Variants in GJA8 observed in about 807,000 individuals in gnomAD.
GJA8 encodes the protein gap junction alpha-8 protein.
In GJA8, 13 loss-of-function variants were observed where a neutral mutation model predicts 15.3. That is an observed-to-expected ratio of 0.85 (90% CI 0.55 to 1.35). The LOEUF (loss-of-function observed/expected upper bound fraction) is 1.35. Among genes scored for constraint, GJA8 ranks in the 40% most tolerant of loss-of-function variants. GJA8 has a pLI of 0.00. For missense variants in GJA8, 607 were observed against 553.3 expected (o/e 1.10, Z -0.97); for synonymous variants, 304 against 238.7 (o/e 1.27, Z -2.52).
At chr1:147,914,281 T>G in the GJA8 span, among the ~76,000 whole-genome samples, 1 of 152,166 alleles carries the variant, frequency 6.6e-6, no homozygotes, top group South Asian at 2.1e-4. Flanking sequence ...TTTTCTGCAA[T>G]TTTTTCATCT....
At chr1:147,913,120 A>G (rs1652245167), downstream of GJA8, among the ~76,000 whole-genome samples, 1 of 152,134 alleles carries the variant, frequency 6.6e-6, no homozygotes, top group Non-Finnish European at 1.5e-5. Flanking sequence ...TACCTGCTCT[A>G]TGAGACAATT....
In GJA8 at chr1:147,907,986, T is replaced by C. The variant is rs782235167; in HGVS notation, c.31T>C (p.Leu11=). 2.5e-6 allele frequency: 4 copies of C among 1,613,954 alleles called. No homozygotes were observed. In the African/African-American group the frequency reaches 4.0e-5, roughly 16 times the overall value. The change falls in exon 2 of 2, where the codon TTG becomes CTG. Residue 11 remains leucine, a synonymous_variant. Coordinates refer to ENST00000369235, the MANE Select transcript of GJA8 (RefSeq NM_005267.5). MGDWSFLGNI[L]EEVNEHSTVI... ...CGACTGGAGTTTCCTGGGGAACATC[T>C]TGGAGGAGGTGAATGAGCACTCCAC...
Position 147,908,614 on chromosome 1 carries a change from A to G in GJA8, c.659A>G (p.Asn220Ser). 2.5e-6 allele frequency: 4 copies of G among 1,614,014 alleles called. No individual in the cohort carries two copies. The highest frequency in any genetic ancestry group is 1.1e-5 in the South Asian group (1 of 91,054). The change falls in exon 2 of 2, where the codon AAC (asparagine) becomes AGC (serine). Residue 220 changes from asparagine to serine, a missense_variant. Coordinates refer to ENST00000369235, the MANE Select transcript of GJA8 (RefSeq NM_005267.5). ...LSVASVSLFL[N>S]VMELGHLGLK... ...GTGGCCTCTGTGTCCCTATTCCTCA[A>G]CGTGATGGAGTTGGGCCACCTGGGC...
At chr1:147,904,817 C>G (rs1306877964) in intron 1 of GJA8, among the ~76,000 whole-genome samples, 3 of 152,108 alleles carry the variant, frequency 2.0e-5, no homozygotes, top group Admixed American at 6.5e-5. Context: ...TACAGTTTCT[C>G]TCCTTCAGTT....
In GJA8 at chr1:147,909,137, A is replaced by C. The variant is rs1553243030; in HGVS notation, c.1182A>C (p.Gln394His). 1.2e-6 allele frequency: 2 copies of C among 1,614,086 alleles called. No individual in the cohort carries two copies. The highest frequency in any genetic ancestry group is 1.1e-5 in the South Asian group (1 of 91,074). Residue 394 changes from glutamine to histidine, a missense_variant, in exon 2 of 2, where the codon CAA becomes CAC. Coordinates refer to ENST00000369235, the MANE Select transcript of GJA8 (RefSeq NM_005267.5). Reference protein sequence around the residue: ...EEPQSEKVSKQGLPAEKTPSL... With the variant: ...EEPQSEKVSKHGLPAEKTPSL... ...CGCAGTCGGAGAAGGTGTCAAAGCA[A>C]GGGCTGCCAGCTGAGAAGACACCTT...
chr1:147,914,358 C>T, the GJA8 span, among the ~76,000 whole-genome samples: 1 of 152,180 alleles, frequency 6.6e-6, no homozygotes, highest in South Asian at 2.1e-4. Context: ...CTGGGGAAAT[C>T]TCTGGCAAAA....
At chr1:147,912,473 G>T (rs1652202077), downstream of GJA8, among the ~76,000 whole-genome samples, 2 of 152,150 alleles carry the variant, frequency 1.3e-5, no homozygotes, top group African/African-American at 4.8e-5. Flanking sequence ...TGAGAAAGAG[G>T]TCCCATCTTA....
In GJA8 at chr1:147,908,205, T is replaced by A. The variant is rs782424475; in HGVS notation, c.250T>A (p.Phe84Ile). 1.0e-4 allele frequency: 163 copies of A among 1,614,096 alleles called. No individual in the cohort carries two copies. The highest frequency in any genetic ancestry group is 1.3e-4 in the Non-Finnish European group (159 of 1,180,026). ...HIRLWVLQII[F>I]VSTPSLMYVG... ...TCGCCTCTGGGTGCTGCAGATCATC[T>A]TCGTCTCCACCCCGTCCCTGATGTA... Residue 84 changes from phenylalanine (F) to isoleucine (I), a missense_variant, in exon 2 of 2, where the codon TTC (phenylalanine) becomes ATC (isoleucine). By Grantham distance (21) the Phe-to-Ile change is conservative. Transcript: ENST00000369235.
chr1:147,908,954 C>G lies in GJA8; in HGVS notation c.999C>G (p.Gly333=). ...YAQVGAQEVE[G]EGPPAEEGAE... The stretch of plus-strand genomic sequence containing the variant: ...AGGTGGGGGCACAAGAAGTGGAGGG[C>G]GAGGGGCCGCCTGCAGAGGAGGGAG... Residue 333 remains glycine (G), a synonymous_variant, in exon 2 of 2, where the codon GGC becomes GGG. Coordinates refer to ENST00000369235, the MANE Select transcript of GJA8 (RefSeq NM_005267.5). The G allele has an allele frequency of 6.2e-7, 1 of 1,604,616 alleles. No homozygotes were observed. The highest frequency in any genetic ancestry group is 8.5e-7 in the Non-Finnish European group (1 of 1,174,284).
rs145146702 is a variant in GJA8, at chr1:147,909,059, G to T, written c.1104G>T (p.Glu368Asp). 1 of 1,603,812 alleles carries T rather than the reference G, an allele frequency of 6.2e-7. No individual in the cohort carries two copies. The highest frequency in any genetic ancestry group is 8.5e-7 in the Non-Finnish European group (1 of 1,174,932). The change falls in exon 2 of 2, where the codon GAG becomes GAT. Residue 368 changes from glutamate to aspartate, a missense_variant. By Grantham distance (45) the Glu-to-Asp change is conservative (BLOSUM62 2). Coordinates refer to ENST00000369235, the MANE Select transcript of GJA8 (RefSeq NM_005267.5). ...TEEQEKVAVP[E>D]GEKVETPGVD... ...AGCAGGAGAAGGTGGCCGTGCCAGA[G>T]GGGGAGAAAGTAGAGACCCCCGGAG...
At chr1:147,906,517 C>A (rs781814058) in intron 1 of GJA8, among the ~76,000 whole-genome samples, 5 of 152,184 alleles carry the variant, frequency 3.3e-5, no homozygotes, top group African/African-American at 1.2e-4. Context: ...ATGTTACAGA[C>A]CCTGAAACAT....
chr1:147,907,550 G>A (rs1213597676), intron 1 of GJA8, among the ~76,000 whole-genome samples: 2 of 152,104 alleles, frequency 1.3e-5, no homozygotes, highest in Non-Finnish European at 2.9e-5. Context: ...TATGTCTCAC[G>A]AAACTTAGAT....
intron 1 of GJA8, among the ~76,000 whole-genome samples, chr1:147,906,499 A>G (rs1553242294): frequency 6.6e-6 from 1 of 152,218 alleles, no homozygotes; most frequent in African/African-American, 2.4e-5. Context: ...CTCTATTAAA[A>G]CAGCCATATG....
Position 147,909,121 on chromosome 1 carries a change from A to T in GJA8, c.1166A>T (p.Glu389Val). 6.2e-7 allele frequency: 1 copy of T among 1,614,060 alleles called. No individual in the cohort carries two copies. The highest frequency in any genetic ancestry group is 8.5e-7 in the Non-Finnish European group (1 of 1,179,968). Residue 389 changes from glutamate (E) to valine (V), a missense_variant, in exon 2 of 2, where the codon GAG becomes GTG. Glu to Val is a moderately radical substitution (Grantham distance 121). Coordinates refer to ENST00000369235, the MANE Select transcript of GJA8 (RefSeq NM_005267.5). ...KEGEKEEPQS[E>V]KVSKQGLPAE... ...GGTGAAAAAGAAGAGCCGCAGTCGGAGAAGGTGTCAAAGCAAGGGCTGCCA... is the reference window on the plus strand; with the variant it reads ...GGTGAAAAAGAAGAGCCGCAGTCGGTGAAGGTGTCAAAGCAAGGGCTGCCA...
rs371053184 is a variant in GJA8, at chr1:147,908,064, C to G, written c.109C>G (p.Leu37Val). ...GCTTTTCATCTTCCGGATCCTCATC[C>G]TTGGCACGGCCGCAGAGTTCGTGTG... ...TVLFIFRILI[L>V]GTAAEFVWGD... The change falls in exon 2 of 2, where the codon CTT becomes GTT. Residue 37 changes from leucine to valine, a missense_variant. Transcript: ENST00000369235. 1.2e-6 allele frequency: 2 copies of G among 1,614,074 alleles called. No individual in the cohort carries two copies. Among genetic ancestry groups the G allele is most frequent in the Non-Finnish European group, 1.7e-6 (2 of 1,180,016 alleles).
At position 147,908,444 on chromosome 1, in the gene GJA8, G is replaced by A. The variant is rs782738497; in HGVS notation, c.489G>A (p.Val163=). ...CHIIFKTLFE[V]GFIVGHYFLY... ...TCATCTTCAAGACCCTCTTTGAAGT[G>A]GGCTTCATCGTGGGCCACTACTTCC... The change falls in exon 2 of 2, where the codon GTG becomes GTA. Residue 163 remains valine (V), a synonymous_variant. Transcript: ENST00000369235. 1.9e-6 allele frequency: 3 copies of A among 1,614,166 alleles called. No homozygotes were observed. The highest frequency in any genetic ancestry group is 3.3e-5 in the Admixed American group (2 of 60,030).
downstream of GJA8, among the ~76,000 whole-genome samples, chr1:147,913,155 A>G (rs376220715): frequency 2.6e-5 from 4 of 152,132 alleles, no homozygotes; most frequent in East Asian, 5.8e-4. Flanking sequence ...TGAGGATGAT[A>G]AGTTCTGCCC....
At chr1:147,909,392 G>T (rs1553243135), downstream of GJA8, 1 of 716,720 alleles carries the variant, frequency 1.4e-6, no homozygotes, top group South Asian at 1.6e-5. Context: ...CTGCAGCAGG[G>T]CAGTGCACTC....
downstream of GJA8, among the ~76,000 whole-genome samples, chr1:147,912,544 TTACTC>T (rs1571183973): frequency 1.3e-5 from 2 of 152,184 alleles, no homozygotes; most frequent in African/African-American, 2.4e-5. Context: ...GTGGTGGTCT[TTACTC>T]TAGGCAGCTA....
Sources: gnomAD v4.1 joint callset for allele counts (sites outside exome capture counted in the v4.1 genomes callset) on GRCh38, gnomAD v4.1.1 for gene constraint, MANE v1.5 for transcripts, NCBI Gene and HGNC (gene_info 2026-07-23, HGNC 2026-07-21) for gene names.